GPC5: variants seen among roughly 807,000 people sequenced by gnomAD.
The protein encoded by GPC5 is glypican-5.
A neutral mutation model predicts 53.9 loss-of-function variants in GPC5; 47 were observed. The ratio of observed to expected loss-of-function variants is 0.87; its 90% CI spans 0.69 to 1.11. GPC5 has a LOEUF of 1.11. Ranked by LOEUF, GPC5 falls within the 50% of genes most tolerant of loss-of-function variation. The probability of loss-of-function intolerance (pLI) is 0.00; values close to 1 mark genes in which losing one functional copy is unlikely to be tolerated. For synonymous variants in GPC5, 286 were observed against 263.3 expected, an observed-to-expected ratio of 1.09 and a Z score of -0.84; for missense variants, 748 against 713.1, an observed-to-expected ratio of 1.05 and a Z score of -0.56.
intron 7 of GPC5, among the ~76,000 whole-genome samples, chr13:92,587,121 A>G (rs1270123319): frequency 1.3e-5 from 2 of 152,142 alleles, no homozygotes; most frequent in African/African-American, 4.8e-5. Context: ...GATAACTGTT[A>G]TTGTACTCCT....
rs564060672 is a variant in GPC5, at chr13:92,837,967, T to C, written c.1562-28315T>C. 4.0e-5 allele frequency among the ~76,000 whole-genome samples: 6 copies of C among 151,662 alleles called. No homozygotes were observed. The South Asian group carries it at 8.4e-4, about 21-fold the overall frequency. ...AAAATTAGCCAGGCGTGGTGGCGCA[T>C]GCCTGTAATCCCAACTACTCAGGAG... On this transcript the variant is annotated intron_variant, in intron 7 of 7. Transcript: ENST00000377067.
chr13:91,449,890 A>G (rs12855939), intron 2 of GPC5, among the ~76,000 whole-genome samples: 78,554 of 151,904 alleles, frequency 0.52, 20,644 homozygotes, highest in East Asian at 0.71. Context: ...TAGAATGAAA[A>G]TATCTAGATT....
At chr13:92,264,876 C>CTGTGTGTGTGTGTG (rs1357258483) in intron 7 of GPC5, among the ~76,000 whole-genome samples, 3 of 119,272 alleles carry the variant, frequency 2.5e-5, no homozygotes, top group Admixed American at 8.6e-5. Context: ...CTCTCTCTCT[C>CTGTGTGTGTGTGTG]TCTGTGTGTG....
intron 7 of GPC5, among the ~76,000 whole-genome samples, chr13:92,821,764 A>G (rs1225570194): frequency 6.6e-6 from 1 of 152,132 alleles, no homozygotes; most frequent in Non-Finnish European, 1.5e-5. Flanking sequence ...TATATCAGTT[A>G]ACTTTTGTGC....
chr13:92,357,381 A>T (rs145736209), intron 7 of GPC5, among the ~76,000 whole-genome samples: 1,783 of 151,796 alleles, frequency 0.012, 18 homozygotes, highest in Middle Eastern at 0.031. Context: ...AGCATCTGTT[A>T]CTTTTTGACT....
chr13:91,437,171 C>A (rs1158600706), intron 1 of GPC5, among the ~76,000 whole-genome samples: 2 of 152,260 alleles, frequency 1.3e-5, no homozygotes, highest in African/African-American at 4.8e-5. Context: ...TTAATTGGAG[C>A]ATTTAGCCCA....
chr13:92,252,281 C>T (rs2042697699), intron 7 of GPC5, among the ~76,000 whole-genome samples: 1 of 151,930 alleles, frequency 6.6e-6, no homozygotes. Context: ...TTTGGATAAA[C>T]AGTGGATATT....
intron 7 of GPC5, among the ~76,000 whole-genome samples, chr13:92,483,906 G>T (rs1396744183): frequency 6.6e-6 from 1 of 151,926 alleles, no homozygotes; most frequent in Non-Finnish European, 1.5e-5. Flanking sequence ...GGTGGGAAAA[G>T]GCCTCCTCCT....
At chr13:91,929,784 G>T (rs1381622191) in intron 6 of GPC5, among the ~76,000 whole-genome samples, 3 of 148,848 alleles carry the variant, frequency 2.0e-5, no homozygotes, top group Non-Finnish European at 3.0e-5. Context: ...TATTATCATA[G>T]ATTTCCTTTT....
chr13:92,066,990 T>C (rs148023444), intron 6 of GPC5, among the ~76,000 whole-genome samples: 2,042 of 152,136 alleles, frequency 0.013, 37 homozygotes, highest in African/African-American at 0.047. Context: ...CCCCTAGCAA[T>C]ATTAAGGCTG....
intron 6 of GPC5, among the ~76,000 whole-genome samples, chr13:91,967,602 G>A (rs1039608698): frequency 2.8e-4 from 42 of 151,852 alleles, no homozygotes; most frequent in African/African-American, 9.4e-4. Context: ...TGATCATAAA[G>A]TTTCTAAAAT....
intron 7 of GPC5, among the ~76,000 whole-genome samples, chr13:92,667,423 A>C (rs372401799): frequency 5.9e-5 from 9 of 152,190 alleles, no homozygotes; most frequent in African/African-American, 2.2e-4. Flanking sequence ...AGAAAAAGAC[A>C]CAGCAAAATA....
At chr13:91,619,681 G>A (rs1347977435) in intron 2 of GPC5, among the ~76,000 whole-genome samples, 2 of 152,076 alleles carry the variant, frequency 1.3e-5, no homozygotes, top group Non-Finnish European at 2.9e-5. Context: ...ACAATGATGT[G>A]CCGATCTGTA....
At chr13:91,726,901 G>A (rs2036587254) in intron 3 of GPC5, among the ~76,000 whole-genome samples, 1 of 152,288 alleles carries the variant, frequency 6.6e-6, no homozygotes, top group East Asian at 1.9e-4. Context: ...CATTCCATTT[G>A]CTCTCACAAG....
At chr13:92,664,327 C>G (rs568678538) in intron 7 of GPC5, among the ~76,000 whole-genome samples, 63 of 150,206 alleles carry the variant, frequency 4.2e-4, no homozygotes, top group African/African-American at 1.4e-3. Context: ...GGCTTTGGAT[C>G]ACCCTGCCAG....
intron 7 of GPC5, among the ~76,000 whole-genome samples, chr13:92,381,889 T>TCATATATATCATATATGA (rs753025655): frequency 2.5e-5 from 3 of 122,178 alleles, no homozygotes; most frequent in Non-Finnish European, 5.0e-5. Flanking sequence ...ATTATATATA[T>TCATATATATCATATATGA]TATATATAAT....
intron 7 of GPC5, among the ~76,000 whole-genome samples, chr13:92,409,708 G>A (rs570746533): frequency 2.1e-4 from 32 of 152,148 alleles, no homozygotes; most frequent in Non-Finnish European, 4.1e-4. Flanking sequence ...CACACATTAC[G>A]ACCAAGATGT....
At chr13:92,499,995 C>A (rs1373375349) in intron 7 of GPC5, among the ~76,000 whole-genome samples, 1 of 152,100 alleles carries the variant, frequency 6.6e-6, no homozygotes, top group African/African-American at 2.4e-5. Flanking sequence ...TAAATAGTGA[C>A]AGATAGATTG....
chr13:91,980,864 T>C (rs1384128709), intron 6 of GPC5, among the ~76,000 whole-genome samples: 4 of 152,334 alleles, frequency 2.6e-5, no homozygotes, highest in Admixed American at 2.6e-4. Context: ...CACACTTCTG[T>C]GTTTGATGTC....
Sources: gnomAD v4.1 joint callset for allele counts (sites outside exome capture counted in the v4.1 genomes callset) on GRCh38, gnomAD v4.1.1 for gene constraint, MANE v1.5 for transcripts, NCBI Gene and HGNC (gene_info 2026-07-23, HGNC 2026-07-21) for gene names.